FHIP1A: variants seen among roughly 807,000 people sequenced by gnomAD.
FHIP1A encodes the protein FHF complex subunit HOOK interacting protein 1A, also known as FHF complex subunit HOOK-interacting protein 1A.
FHIP1A carries 61 observed loss-of-function variants against 88.6 expected under a neutral mutation model. That is an observed-to-expected ratio of 0.69 (90% CI 0.56 to 0.85). The LOEUF (loss-of-function observed/expected upper bound fraction) is 0.85. Ranked by LOEUF, FHIP1A falls within the 40% of genes least tolerant of loss-of-function variation. The pLI is 0.00. For missense variants in FHIP1A, 1,154 were observed against 1,273.5 expected (o/e 0.91, Z 1.43); for synonymous variants, 478 against 496.0 (o/e 0.96, Z 0.48).
intron 1 of FHIP1A, among the ~76,000 whole-genome samples, chr4:151,418,191 A>AAAC (rs1186382188): frequency 6.6e-6 from 1 of 151,330 alleles, no homozygotes; most frequent in Non-Finnish European, 1.5e-5. Flanking sequence ...AAAAAAAAAA[A>AAAC]AAAACAAGAG....
chr4:151,605,950 C>A (rs1735057441), intron 7 of FHIP1A, among the ~76,000 whole-genome samples: 1 of 152,110 alleles, frequency 6.6e-6, no homozygotes, highest in African/African-American at 2.4e-5. Context: ...GACTTTTATG[C>A]CCAGTGAAAA....
intron 1 of FHIP1A, among the ~76,000 whole-genome samples, chr4:151,442,257 G>A (rs188041231): frequency 6.6e-6 from 1 of 152,164 alleles, no homozygotes; most frequent in African/African-American, 2.4e-5. Context: ...TGGTTACTGT[G>A]CAGTTCCAGA....
At chr4:151,608,943 AAGAATGTGT>A (rs1210410795) in intron 7 of FHIP1A, among the ~76,000 whole-genome samples, 1 of 152,220 alleles carries the variant, frequency 6.6e-6, no homozygotes, top group Non-Finnish European at 1.5e-5. Flanking sequence ...TAGGGGTTCC[AAGAATGTGT>A]TTCGGCCTCT....
At chr4:151,552,031 CT>C (rs1732755792) in intron 3 of FHIP1A, among the ~76,000 whole-genome samples, 1 of 152,164 alleles carries the variant, frequency 6.6e-6, no homozygotes, top group Non-Finnish European at 1.5e-5. Context: ...TGAACAGACA[CT>C]TTTCAAAAGA....
At chr4:151,535,532 T>TA (rs368476687) in intron 3 of FHIP1A, among the ~76,000 whole-genome samples, 16 of 152,354 alleles carry the variant, frequency 1.1e-4, no homozygotes, top group African/African-American at 3.8e-4. Flanking sequence ...TATACATATC[T>TA]ATGTGTATAT....
chr4:151,622,228 G>A (rs995010346), intron 7 of FHIP1A, among the ~76,000 whole-genome samples: 2 of 152,212 alleles, frequency 1.3e-5, no homozygotes, highest in South Asian at 4.1e-4. Flanking sequence ...GAATAGGAAA[G>A]TTGAGTTTTG....
intron 2 of FHIP1A, among the ~76,000 whole-genome samples, chr4:151,456,679 AAAAT>A (rs1295235173): frequency 6.6e-6 from 1 of 152,208 alleles, no homozygotes; most frequent in Non-Finnish European, 1.5e-5. Flanking sequence ...ACACAAAAGA[AAAAT>A]AAATCATCTA....
intron 3 of FHIP1A, among the ~76,000 whole-genome samples, chr4:151,515,658 AACAG>A (rs1225605835): frequency 2.0e-5 from 3 of 152,046 alleles, no homozygotes; most frequent in Admixed American, 6.6e-5. Context: ...ATACACCAAT[AACAG>A]ACAGAGAGCC....
chr4:151,490,212 T>A (rs1257973950), intron 3 of FHIP1A, among the ~76,000 whole-genome samples: 1 of 152,050 alleles, frequency 6.6e-6, no homozygotes, highest in Non-Finnish European at 1.5e-5. Flanking sequence ...AGAAAACCAG[T>A]GCACTAAACA....
At chr4:151,553,965 A>G (rs886852641) in intron 3 of FHIP1A, among the ~76,000 whole-genome samples, 2 of 152,162 alleles carry the variant, frequency 1.3e-5, no homozygotes, top group African/African-American at 4.8e-5. Context: ...ATCTATTCCT[A>G]TGCAAGCAAG....
At chr4:151,412,738 G>A (rs534555644) in intron 1 of FHIP1A, among the ~76,000 whole-genome samples, 1 of 144,988 alleles carries the variant, frequency 6.9e-6, no homozygotes, top group Non-Finnish European at 1.5e-5. Context: ...AGGCTGGAGT[G>A]CAATGGCGTG....
chr4:151,652,371 C>T lies in FHIP1A; in HGVS notation c.2551+1779C>T, dbSNP rs146182145. On this transcript the variant is annotated intron_variant, in intron 11 of 13. Coordinates refer to ENST00000435205, the MANE Select transcript of FHIP1A (RefSeq NM_001109977.3). ...GTATGTGTGCTTTATAGTTTCCAAA[C>T]TTCTGAGTGTGTTCTGTAGCATTAG... Among the ~76,000 whole-genome samples the T allele has an allele frequency of 6.1e-3, 923 of 152,280 alleles. 34 individuals are homozygous for T. Among genetic ancestry groups the T allele is most frequent in the Admixed American group, 0.05 (766 of 15,300 alleles).
intron 3 of FHIP1A, among the ~76,000 whole-genome samples, chr4:151,531,586 G>T (rs1236743719): frequency 6.6e-6 from 1 of 151,942 alleles, no homozygotes; most frequent in Non-Finnish European, 1.5e-5. Context: ...ACTGTTATGG[G>T]AGTGTTAAAG....
At chr4:151,467,235 A>G (rs1415090117) in intron 2 of FHIP1A, among the ~76,000 whole-genome samples, 2 of 152,236 alleles carry the variant, frequency 1.3e-5, no homozygotes, top group Non-Finnish European at 2.9e-5. Flanking sequence ...GCTCAACATC[A>G]CTGATCGTTA....
At chr4:151,472,564 C>T (rs1341306308) in intron 2 of FHIP1A, among the ~76,000 whole-genome samples, 1 of 151,258 alleles carries the variant, frequency 6.6e-6, no homozygotes, top group Non-Finnish European at 1.5e-5. Context: ...ATGTTTATTA[C>T]ACTTTCCTCT....
chr4:151,411,682 A>G (rs1346005628), intron 1 of FHIP1A, among the ~76,000 whole-genome samples: 2 of 152,142 alleles, frequency 1.3e-5, no homozygotes, highest in Non-Finnish European at 2.9e-5. Flanking sequence ...AAATTTAATA[A>G]GGAACCTCCT....
chr4:151,564,927 G>A (rs1048708961), intron 3 of FHIP1A, among the ~76,000 whole-genome samples: 6 of 152,030 alleles, frequency 3.9e-5, no homozygotes, highest in African/African-American at 1.4e-4. Context: ...CTATTTTCCA[G>A]TGTCTAATTC....
intron 5 of FHIP1A, 115 bp downstream of exon 5, chr4:151,578,191 C>T (rs1733879644): frequency 2.2e-6 from 2 of 922,616 alleles, no homozygotes; most frequent in South Asian, 1.8e-5. Context: ...CTTGGCACTT[C>T]CTATGGAAGG....
At chr4:151,483,552 T>C (rs916232049) in intron 3 of FHIP1A, among the ~76,000 whole-genome samples, 1 of 152,142 alleles carries the variant, frequency 6.6e-6, no homozygotes, top group African/African-American at 2.4e-5. Flanking sequence ...GTGCAACTTA[T>C]TGTGTAGACA....
Sources: gnomAD v4.1 joint callset for allele counts (sites outside exome capture counted in the v4.1 genomes callset) on GRCh38, gnomAD v4.1.1 for gene constraint, MANE v1.5 for transcripts, NCBI Gene and HGNC (gene_info 2026-07-23, HGNC 2026-07-21) for gene names.